The following FGGY variants were observed in gnomAD, a reference collection of about 807,000 sequenced individuals.
The protein encoded by FGGY is FGGY carbohydrate kinase domain-containing protein.
FGGY carries 72 observed loss-of-function variants against 71.3 expected under a neutral mutation model. That is an observed-to-expected ratio of 1.01 (90% CI 0.84 to 1.23). FGGY has a LOEUF of 1.23. FGGY is among the 50% of genes most tolerant of loss of function. FGGY has a pLI of 0.00. For missense variants in FGGY, 668 were observed against 682.3 expected, an observed-to-expected ratio of 0.98 and a Z score of 0.23; for synonymous variants, 251 against 250.3, an observed-to-expected ratio of 1.00 and a Z score of -0.02.
rs12039032 is a variant in FGGY at position 59,656,501 on chromosome 1, G to C, written c.1222-3718G>C. The stretch of plus-strand genomic sequence containing the variant: ...ATGGGTTGACTGGGCTGAGGTCCCT[G>C]GTATTTGAGAGAAAATTAAATGGAC... On this transcript the variant is annotated intron_variant, in intron 11 of 15. Coordinates refer to ENST00000303721, the MANE Select transcript of FGGY (RefSeq NM_018291.5). Among the ~76,000 whole-genome samples the C allele has an allele frequency of 4.4e-3, 675 of 152,262 alleles. 45 individuals are homozygous for C. In the East Asian group the frequency reaches 0.12, roughly 27 times the overall value.
chr1:59,677,709 G>A (rs1036823768), intron 14 of FGGY, among the ~76,000 whole-genome samples: 20 of 152,174 alleles, frequency 1.3e-4, no homozygotes, highest in African/African-American at 4.8e-4. Context: ...GGGGAAGGGA[G>A]ACTGGATGGA....
chr1:59,370,687 A>G (rs985922064), intron 4 of FGGY, among the ~76,000 whole-genome samples: 2 of 151,940 alleles, frequency 1.3e-5, no homozygotes, highest in East Asian at 1.9e-4. Context: ...AGGGAAGCCC[A>G]TCAGACTAAC....
chr1:59,584,753 A>G (rs763367128), intron 8 of FGGY, among the ~76,000 whole-genome samples: 1 of 149,884 alleles, frequency 6.7e-6, no homozygotes, highest in Non-Finnish European at 1.5e-5. Flanking sequence ...GATGACATGA[A>G]TGTATATCTA....
In FGGY at chr1:59,378,756, G is replaced by A; in HGVS notation, c.473G>A (p.Arg158Lys). Residue 158 changes from arginine (R) to lysine (K), a missense_variant, in exon 5 of 16, where the codon AGA becomes AAA. Coordinates refer to ENST00000303721, the MANE Select transcript of FGGY (RefSeq NM_018291.5). Reference sequence around the variant, plus strand: ...ATATATTTAATTTGGCAGAACTTGAGAGAGATTTGCTGGGATAAGGCGGGA... The same window carrying A: ...ATATATTTAATTTGGCAGAACTTGAAAGAGATTTGCTGGGATAAGGCGGGA... ...PKLLWLKENL[R>K]EICWDKAGHF... 6.2e-7 allele frequency: 1 copy of A among 1,613,264 alleles called. No individual in the cohort carries two copies. The highest frequency in any genetic ancestry group is 8.5e-7 in the Non-Finnish European group (1 of 1,179,498).
At chr1:59,681,911 A>T (rs1165943080) in intron 14 of FGGY, among the ~76,000 whole-genome samples, 1 of 152,202 alleles carries the variant, frequency 6.6e-6, no homozygotes, top group Non-Finnish European at 1.5e-5. Context: ...ATTTAGGCAG[A>T]TGATCAAGAA....
chr1:59,626,816 C>T (rs138021139), intron 10 of FGGY: 2,605 of 151,728 alleles, frequency 0.017, 26 homozygotes, highest in South Asian at 0.041. Context: ...GATCGTGCCA[C>T]TGCACTCCAG....
At chr1:59,469,657 T>A (rs2092835887) in intron 6 of FGGY, among the ~76,000 whole-genome samples, 1 of 152,180 alleles carries the variant, frequency 6.6e-6, no homozygotes. Context: ...TAAACTTGTG[T>A]CATGGGGGTT....
intron 13 of FGGY, among the ~76,000 whole-genome samples, chr1:59,668,877 G>T (rs2097349236): frequency 6.6e-6 from 1 of 151,516 alleles, no homozygotes; most frequent in Admixed American, 6.6e-5. Context: ...TGTAATCCCA[G>T]CTACTGGGGA....
chr1:59,484,999 A>AG (rs71580900), intron 6 of FGGY, among the ~76,000 whole-genome samples: 1 of 152,150 alleles, frequency 6.6e-6, no homozygotes, highest in Non-Finnish European at 1.5e-5. Context: ...TCACACCCAT[A>AG]GGGGGGATGT....
intron 7 of FGGY, among the ~76,000 whole-genome samples, chr1:59,530,712 A>C (rs1300280323): frequency 6.6e-6 from 1 of 152,194 alleles, no homozygotes; most frequent in Non-Finnish European, 1.5e-5. Context: ...GGTAGTATGC[A>C]CCAAGATCCA....
chr1:59,452,291 TAAGATA>T (rs1170477733), intron 5 of FGGY, among the ~76,000 whole-genome samples: 1 of 152,124 alleles, frequency 6.6e-6, no homozygotes, highest in Non-Finnish European at 1.5e-5. Context: ...TATGGTAAAT[TAAGATA>T]AAGATAAAGA....
rs187385038 is a variant in FGGY, at chr1:59,589,131, G to A, written c.904-18672G>A. Among the ~76,000 whole-genome samples, 121 of 152,266 alleles carry A rather than the reference G, an allele frequency of 7.9e-4. 1 individual carries two copies. The highest frequency in any genetic ancestry group is 2.3e-3 in the South Asian group (11 of 4,824). ...AAATGGAAAACAAAAAAAGGCAGGA[G>A]TTGCAATCCTAGTCTCTGATAAAAC... is the stretch of plus-strand genomic sequence containing the variant. On this transcript the variant is annotated intron_variant, in intron 8 of 15. Coordinates refer to ENST00000303721, the MANE Select transcript of FGGY (RefSeq NM_018291.5).
intron 5 of FGGY, among the ~76,000 whole-genome samples, chr1:59,386,752 CA>C (rs1466363195): frequency 6.6e-6 from 1 of 152,050 alleles, no homozygotes; most frequent in Non-Finnish European, 1.5e-5. Flanking sequence ...TTCTTATGTA[CA>C]AACAAGAGAC....
At chr1:59,470,264 C>A (rs1391106235) in intron 6 of FGGY, among the ~76,000 whole-genome samples, 1 of 152,188 alleles carries the variant, frequency 6.6e-6, no homozygotes, top group African/African-American at 2.4e-5. Context: ...ACAACCTCAC[C>A]AGCATCTGTT....
At chr1:59,297,547 G>C (rs1194065209) in intron 1 of FGGY, among the ~76,000 whole-genome samples, 1 of 152,224 alleles carries the variant, frequency 6.6e-6, no homozygotes, top group Non-Finnish European at 1.5e-5. Context: ...AAGGGGCCGG[G>C]CGCGGTGGCT....
At chr1:59,594,554 C>T (rs1489544064) in intron 8 of FGGY, among the ~76,000 whole-genome samples, 3 of 152,170 alleles carry the variant, frequency 2.0e-5, no homozygotes, top group African/African-American at 4.8e-5. Context: ...GGAATCAGTT[C>T]CACTAGCCCC....
chr1:59,625,924 A>T, intron 9 of FGGY, 64 bp from the exon 10 acceptor site: 2 of 1,277,978 alleles, frequency 1.6e-6, no homozygotes, highest in Non-Finnish European at 2.2e-6. Flanking sequence ...TTTAATATAA[A>T]TTTTTCTATC....
intron 8 of FGGY, among the ~76,000 whole-genome samples, chr1:59,589,899 C>T (rs1055143195): frequency 1.3e-5 from 2 of 152,006 alleles, no homozygotes; most frequent in African/African-American, 4.8e-5. Flanking sequence ...AGAGCAAACA[C>T]ATTCAAAAGC....
At chr1:59,371,554 G>GA (rs1229504134) in intron 4 of FGGY, among the ~76,000 whole-genome samples, 4 of 152,152 alleles carry the variant, frequency 2.6e-5, no homozygotes, top group Admixed American at 6.5e-5. Flanking sequence ...GCAACAAGCA[G>GA]ACCTAATAGA....
Sources: allele counts gnomAD v4.1 joint callset (sites outside exome capture counted in the v4.1 genomes callset), GRCh38; gene constraint gnomAD v4.1.1; transcripts MANE v1.5; gene names NCBI Gene and HGNC (gene_info 2026-07-23, HGNC 2026-07-21).